The following EFL1 variants were observed in gnomAD, a reference collection of about 807,000 sequenced individuals.
The protein encoded by EFL1 is elongation factor-like GTPase 1.
In EFL1, 76 loss-of-function variants were observed where a neutral mutation model predicts 126.7. The observed-to-expected ratio is 0.60, with a 90% CI of 0.50 to 0.73. The LOEUF is 0.73. EFL1 is among the 30% of genes least tolerant of loss of function. The probability of loss-of-function intolerance (pLI) is 0.00; values close to 1 mark genes in which losing one functional copy is unlikely to be tolerated. For missense variants in EFL1, 1,128 were observed against 1,343.2 expected, an observed-to-expected ratio of 0.84 and a Z score of 2.50; for synonymous variants, 410 against 448.4, an observed-to-expected ratio of 0.91 and a Z score of 1.08.
chr15:82,226,357 C>G (rs191579512), intron 11 of EFL1, among the ~76,000 whole-genome samples: 1 of 151,990 alleles, frequency 6.6e-6, no homozygotes, highest in Admixed American at 6.6e-5. Context: ...TTAGTAGAGA[C>G]GGAGTTTCAC....
intron 15 of EFL1, among the ~76,000 whole-genome samples, chr15:82,197,196 A>C (rs1320986889): frequency 6.6e-6 from 1 of 152,220 alleles, no homozygotes; most frequent in Non-Finnish European, 1.5e-5. Context: ...ACTATTATAC[A>C]ATAAATCTAC....
intron 15 of EFL1, among the ~76,000 whole-genome samples, chr15:82,166,128 T>A (rs2074077524): frequency 2.0e-5 from 3 of 152,306 alleles, no homozygotes; most frequent in Admixed American, 1.3e-4. Flanking sequence ...ACCTCATCCA[T>A]CCTGCTTCTG....
intron 15 of EFL1, among the ~76,000 whole-genome samples, chr15:82,212,542 CA>C (rs1169885770): frequency 6.6e-6 from 1 of 152,208 alleles, no homozygotes; most frequent in African/African-American, 2.4e-5. Flanking sequence ...TGTTTCAATT[CA>C]AAAAGCCCCA....
At chr15:82,231,642 T>C (rs2074823269) in intron 7 of EFL1, among the ~76,000 whole-genome samples, 1 of 151,272 alleles carries the variant, frequency 6.6e-6, no homozygotes, top group African/African-American at 2.4e-5. Flanking sequence ...AGTACCAGCA[T>C]CTTAAAAGAT....
chr15:82,171,435 C>T (rs1297651586), intron 15 of EFL1, among the ~76,000 whole-genome samples: 2 of 152,212 alleles, frequency 1.3e-5, no homozygotes, highest in Admixed American at 6.5e-5. Flanking sequence ...GTGGAAATGA[C>T]GAAGGGGCAA....
chr15:82,230,371 C>G (rs1377119411), intron 8 of EFL1, among the ~76,000 whole-genome samples: 1 of 152,040 alleles, frequency 6.6e-6, no homozygotes, highest in African/African-American at 2.4e-5. Flanking sequence ...CATTCCTACA[C>G]CACCTCTATC....
chr15:82,199,317 AAG>A (rs889535547), intron 15 of EFL1, among the ~76,000 whole-genome samples: 13 of 150,496 alleles, frequency 8.6e-5, no homozygotes, highest in African/African-American at 2.5e-4. Context: ...GAAGTTGAGA[AAG>A]AGAGAGAGAG....
chr15:82,161,184 T>TA (rs61311286), intron 16 of EFL1, among the ~76,000 whole-genome samples: 54,368 of 147,144 alleles, frequency 0.37, 10,964 homozygotes, highest in African/African-American at 0.56. Context: ...GTTGTCACAA[T>TA]AAAAAAAAAA....
intron 16 of EFL1, among the ~76,000 whole-genome samples, chr15:82,158,780 T>G (rs1168350690): frequency 6.6e-6 from 1 of 152,204 alleles, no homozygotes; most frequent in Admixed American, 6.5e-5. Context: ...ATTTTTGAAA[T>G]AAAGTTCTAA....
intron 15 of EFL1, among the ~76,000 whole-genome samples, chr15:82,201,952 G>C (rs2074473383): frequency 6.6e-6 from 1 of 150,716 alleles, no homozygotes; most frequent in African/African-American, 2.5e-5. Context: ...ATGTCTACTT[G>C]CGGAGTCACA....
rs1438073515 is a variant in EFL1, at chr15:82,152,229, A to G, written c.2225T>C (p.Ile742Thr). 6.2e-7 allele frequency: 1 copy of G among 1,614,070 alleles called. No homozygotes were observed. The highest frequency in any genetic ancestry group is 1.3e-5 in the African/African-American group (1 of 74,924). ...IQVDSDGLIT[I>T]TTPNKLATLS... ...CGTGGCAAGTTTATTGGGAGTTGTT[A>G]TGGTGATTAGCCCGTCAGAGTCAAC... is the stretch of plus-strand genomic sequence containing the variant. Residue 742 changes from isoleucine (I) to threonine (T), a missense_variant, in exon 18 of 20, where the codon ATA (isoleucine) becomes ACA (threonine). Ile to Thr is a moderately conservative substitution (Grantham distance 89). Around this residue, in one of 6 missense-constraint regions of EFL1, gnomAD observed 561 missense variants for 641.7 expected, o/e 0.87. Coordinates refer to ENST00000268206, the MANE Select transcript of EFL1 (RefSeq NM_024580.6).
intron 18 of EFL1, among the ~76,000 whole-genome samples, chr15:82,141,408 G>T (rs1483979391): frequency 1.3e-5 from 2 of 152,088 alleles, no homozygotes; most frequent in African/African-American, 4.8e-5. Context: ...GGTGGCTCAC[G>T]CCTATAATCC....
chr15:82,219,765 T>C lies in EFL1; in HGVS notation c.1498A>G (p.Asn500Asp), dbSNP rs536265692. The part of the protein sequence containing the change: ...MTPKPVLQEE[N>D]NQESFIAFAR... ...AATGCAATAAAAGACTCTTGGTTGTTTTCTTCCTGGAGCACAGGTTTAGGG... is the reference window on the plus strand; with the variant it reads ...AATGCAATAAAAGACTCTTGGTTGTCTTCTTCCTGGAGCACAGGTTTAGGG... Residue 500 changes from asparagine (N) to aspartate (D), a missense_variant, in exon 14 of 20, where the codon AAC becomes GAC. This residue lies in a region of EFL1 where 120 missense variants were observed against 142.1 expected (regional missense o/e 0.84). Transcript: ENST00000268206. The C allele has an allele frequency of 2.5e-6, 4 of 1,614,066 alleles. No individual in the cohort carries two copies. Among genetic ancestry groups the C allele is most frequent in the Middle Eastern group, 1.6e-4 (1 of 6,062 alleles).
rs778819355 is a variant in EFL1, at chr15:82,163,843, G to A, written c.1882+10C>T. 6.2e-7 allele frequency: 1 copy of A among 1,612,786 alleles called. No homozygotes were observed. The highest frequency in any genetic ancestry group is 8.5e-7 in the Non-Finnish European group (1 of 1,179,544). On this transcript the variant is annotated intron_variant, in intron 16 of 19. Coordinates refer to ENST00000268206, the MANE Select transcript of EFL1 (RefSeq NM_024580.6). ...ATAAACATATGCTTTTAAAAATAAG[G>A]TCATCTTACTTGGATGTTTTGGTTC...
At chr15:82,138,442 G>GTGTGTGTT (rs1299575903) in intron 19 of EFL1, among the ~76,000 whole-genome samples, 2 of 151,634 alleles carry the variant, frequency 1.3e-5, no homozygotes, top group Non-Finnish European at 2.9e-5. Context: ...GTGTGTGTGT[G>GTGTGTGTT]TGTGTGTGTG....
intron 4 of EFL1, among the ~76,000 whole-genome samples, chr15:82,244,450 T>G (rs1037896843): frequency 6.6e-6 from 1 of 152,164 alleles, no homozygotes; most frequent in Admixed American, 6.5e-5. Context: ...TCTTTCCGAT[T>G]TGTAACAAAG....
chr15:82,174,876 T>C (rs985847182), intron 15 of EFL1, among the ~76,000 whole-genome samples: 4 of 152,246 alleles, frequency 2.6e-5, no homozygotes, highest in Non-Finnish European at 4.4e-5. Context: ...ACGAAGTCAA[T>C]TCAGGAATTA....
intron 11 of EFL1, 99 bp from the exon 12 acceptor site, chr15:82,225,363 G>A (rs2074752570): frequency 1.1e-6 from 1 of 891,664 alleles, no homozygotes; most frequent in Non-Finnish European, 1.6e-6. Flanking sequence ...GAACATGGAT[G>A]GCATCATCAA....
intron 18 of EFL1, among the ~76,000 whole-genome samples, chr15:82,139,921 C>A (rs895787546): frequency 6.6e-6 from 1 of 152,138 alleles, no homozygotes; most frequent in Non-Finnish European, 1.5e-5. Flanking sequence ...TAGAAACTGA[C>A]GACACAAAGC....
Sources: gnomAD v4.1 joint callset for allele counts (sites outside exome capture counted in the v4.1 genomes callset) on GRCh38, gnomAD v4.1.1 for gene constraint, gnomAD v4.1.1 regional missense constraint, MANE v1.5 for transcripts, NCBI Gene and HGNC (gene_info 2026-07-23, HGNC 2026-07-21) for gene names.